Variants in ATP8A1 observed in about 807,000 individuals in gnomAD.
The protein encoded by ATP8A1 is phospholipid-transporting ATPase IA.
In ATP8A1, 90 loss-of-function variants were observed where a neutral mutation model predicts 177.7. The ratio of observed to expected loss-of-function variants is 0.51; its 90% CI spans 0.43 to 0.60. The LOEUF (loss-of-function observed/expected upper bound fraction) is 0.60, where lower values mean the gene tolerates loss of function less well. ATP8A1 is among the 20% of genes least tolerant of loss of function. ATP8A1 has a pLI of 0.00. For synonymous variants in ATP8A1, 493 were observed against 485.9 expected, an observed-to-expected ratio of 1.01 and a Z score of -0.19; for missense variants, 1,072 against 1,392.8, an observed-to-expected ratio of 0.77 and a Z score of 3.67.
At chr4:42,535,067 T>C (rs1007518726) in intron 20 of ATP8A1, among the ~76,000 whole-genome samples, 1 of 151,106 alleles carries the variant, frequency 6.6e-6, no homozygotes, top group African/African-American at 2.4e-5. Context: ...AAAGCATAAA[T>C]CTCACAGGAC....
chr4:42,495,286 C>T (rs958354172), intron 24 of ATP8A1, among the ~76,000 whole-genome samples: 18 of 152,298 alleles, frequency 1.2e-4, no homozygotes, highest in South Asian at 6.2e-4. Flanking sequence ...AATGTTAGCA[C>T]GTTCTTAAAG....
intron 10 of ATP8A1, 146 bp from the exon 11 acceptor site, chr4:42,580,124 A>G: frequency 1.6e-6 from 1 of 619,788 alleles, no homozygotes; most frequent in East Asian, 3.4e-5. Flanking sequence ...CCCATGACAA[A>G]TGTAATAAGG....
intron 20 of ATP8A1, among the ~76,000 whole-genome samples, chr4:42,535,021 A>G (rs1452609055): frequency 6.6e-6 from 1 of 152,228 alleles, no homozygotes; most frequent in African/African-American, 2.4e-5. Context: ...AAATCTGGAA[A>G]CAAATCCTTG....
At chr4:42,587,635 C>G (rs1322252512) in intron 8 of ATP8A1, among the ~76,000 whole-genome samples, 1 of 130,556 alleles carries the variant, frequency 7.7e-6, no homozygotes, top group African/African-American at 3.0e-5. Flanking sequence ...GAGACAGAGT[C>G]TCGCTCTGTC....
intron 33 of ATP8A1, among the ~76,000 whole-genome samples, chr4:42,439,467 T>C (rs77266828): frequency 0.025 from 3,862 of 152,340 alleles, 153 homozygotes; most frequent in African/African-American, 0.086. Context: ...TCTCATTTGT[T>C]TGTCTAAAAC....
At chr4:42,584,990 T>C (rs1472749767) in intron 9 of ATP8A1, among the ~76,000 whole-genome samples, 2 of 152,186 alleles carry the variant, frequency 1.3e-5, no homozygotes, top group South Asian at 2.1e-4. Context: ...ACTCTCTTCA[T>C]TGATCATAGC....
intron 24 of ATP8A1, among the ~76,000 whole-genome samples, chr4:42,500,146 G>A (rs1723712102): frequency 1.3e-5 from 2 of 152,084 alleles, no homozygotes; most frequent in African/African-American, 4.8e-5. Context: ...GGGTGGATCA[G>A]TTGAGGTCAG....
chr4:42,485,771 C>T (rs1722133525), intron 24 of ATP8A1, 103 bp from the exon 25 acceptor site: 2 of 974,396 alleles, frequency 2.1e-6, no homozygotes, highest in Non-Finnish European at 3.0e-6. Flanking sequence ...ATTTTTAGTG[C>T]TTTTTATGTT....
At chr4:42,649,684 C>G (rs1740892676) in intron 1 of ATP8A1, among the ~76,000 whole-genome samples, 2 of 152,128 alleles carry the variant, frequency 1.3e-5, no homozygotes, top group South Asian at 4.1e-4. Flanking sequence ...AGACAAAACT[C>G]TAGGTGTAGA....
intron 1 of ATP8A1, among the ~76,000 whole-genome samples, chr4:42,651,354 G>A (rs1480790477): frequency 6.6e-6 from 1 of 152,172 alleles, no homozygotes. Context: ...GGCAGAGGTT[G>A]AAAAAAGTTT....
At chr4:42,624,212 A>G (rs17532749) in intron 4 of ATP8A1, among the ~76,000 whole-genome samples, 34,310 of 151,942 alleles carry the variant, frequency 0.23, 4,341 homozygotes, top group Non-Finnish European at 0.29. Context: ...ACCAAAAAAT[A>G]TCACTTAGAT....
In ATP8A1 at chr4:42,565,876, A is replaced by C. The variant is rs544045539; in HGVS notation, c.1340+3285T>G. ...AGGGCTACATTGATGTTAAGAATAA[A>C]TAGATTTTCCCCTTCAATCCAAAGT... On this transcript the variant is annotated intron_variant, in intron 15 of 36. Coordinates refer to ENST00000381668, the MANE Select transcript of ATP8A1 (RefSeq NM_006095.2). Among the ~76,000 whole-genome samples, 9 of 152,322 alleles carry C rather than the reference A, an allele frequency of 5.9e-5. No homozygotes were observed. In the South Asian group the frequency reaches 1.9e-3, roughly 32 times the overall value.
intron 5 of ATP8A1, among the ~76,000 whole-genome samples, chr4:42,602,337 G>A (rs1735368979): frequency 6.6e-6 from 1 of 152,240 alleles, no homozygotes; most frequent in African/African-American, 2.4e-5. Context: ...CCTGCTCGAT[G>A]TTGCTCATGG....
intron 1 of ATP8A1, among the ~76,000 whole-genome samples, chr4:42,633,335 A>C (rs1313284459): frequency 6.6e-6 from 1 of 152,180 alleles, no homozygotes; most frequent in Non-Finnish European, 1.5e-5. Flanking sequence ...AAGGCTTCTG[A>C]CCTGCTCATA....
chr4:42,564,093 TG>T (rs1297699806), intron 15 of ATP8A1, among the ~76,000 whole-genome samples: 1 of 152,134 alleles, frequency 6.6e-6, no homozygotes, highest in African/African-American at 2.4e-5. Flanking sequence ...GAATTCTGTC[TG>T]GGGTTGCGGG....
chr4:42,639,485 G>C (rs1179058263), intron 1 of ATP8A1, among the ~76,000 whole-genome samples: 1 of 152,128 alleles, frequency 6.6e-6, no homozygotes, highest in Non-Finnish European at 1.5e-5. Context: ...GTCTATCAAG[G>C]ATAATCATCT....
chr4:42,449,366 A>C (rs1717686736), intron 30 of ATP8A1, among the ~76,000 whole-genome samples: 1 of 152,232 alleles, frequency 6.6e-6, no homozygotes, highest in African/African-American at 2.4e-5. Context: ...AATGAAACCT[A>C]GTGCATGACG....
chr4:42,569,192 G>T lies in ATP8A1; in HGVS notation c.1309C>A (p.Pro437Thr). ...AGVAYGHVPEPEDYGCSPDEW... is the reference protein window; with the variant it reads ...AGVAYGHVPETEDYGCSPDEW... ...TCAGGAGAGCAGCCATAATCCTCAG[G>T]TTCAGGGACATGGCTTCAGAAAGCA... is the stretch of plus-strand genomic sequence containing the variant. Residue 437 changes from proline (P) to threonine (T), a missense_variant, in exon 15 of 37, where the codon CCT (proline) becomes ACT (threonine). This residue lies in a region of ATP8A1 where 388 missense variants were observed against 471.7 expected (regional missense o/e 0.82). Coordinates refer to ENST00000381668, the MANE Select transcript of ATP8A1 (RefSeq NM_006095.2). 1.2e-6 allele frequency: 2 copies of T among 1,607,452 alleles called. No homozygotes were observed. The highest frequency in any genetic ancestry group is 1.7e-6 in the Non-Finnish European group (2 of 1,176,576).
At chr4:42,587,157 T>C (rs79818588) in intron 8 of ATP8A1, among the ~76,000 whole-genome samples, 2,860 of 152,316 alleles carry the variant, frequency 0.019, 82 homozygotes, top group African/African-American at 0.064. Flanking sequence ...ATGTAAACTA[T>C]TCCCCAAGAT....
Sources: allele counts gnomAD v4.1 joint callset (sites outside exome capture counted in the v4.1 genomes callset), GRCh38; gene constraint gnomAD v4.1.1; regional missense constraint gnomAD v4.1.1; transcripts MANE v1.5; gene names NCBI Gene and HGNC (gene_info 2026-07-23, HGNC 2026-07-21).